RNF14: variants seen among roughly 807,000 people sequenced by gnomAD.
RNF14 encodes E3 ubiquitin-protein ligase RNF14.
In RNF14, 26 loss-of-function variants were observed where a neutral mutation model predicts 52.6. That is an observed-to-expected ratio of 0.49 (90% CI 0.36 to 0.69). The LOEUF is 0.69. RNF14 is among the 30% of genes least tolerant of loss of function. The pLI, the probability that RNF14 is intolerant of heterozygous loss-of-function variation, is 0.00. For synonymous variants in RNF14, 194 were observed against 202.0 expected (o/e 0.96, Z 0.34); for missense variants, 404 against 560.4 (o/e 0.72, Z 2.82).
At chr5:141,987,118 A>G (rs1036524723) in intron 8 of RNF14, among the ~76,000 whole-genome samples, 1 of 152,142 alleles carries the variant, frequency 6.6e-6, no homozygotes, top group Admixed American at 6.5e-5. Flanking sequence ...GCGGTGGAGC[A>G]AGTCTTCCCA....
At chr5:141,951,610 T>A in the RNF14 span, 1 of 1,571,308 alleles carries the variant, frequency 6.4e-7, no homozygotes, top group Middle Eastern at 1.7e-4. Flanking sequence ...AGGAAAAATC[T>A]GTTGACTCCA....
At chr5:141,955,549 T>C (rs1753164596), upstream of RNF14, 2 of 1,614,196 alleles carry the variant, frequency 1.2e-6, no homozygotes, top group South Asian at 1.1e-5. The surrounding 1 kb of genome is among the most constrained non-coding windows in gnomAD (Gnocchi z 5.5). Context: ...CTGAATGTGT[T>C]TCTGGGGCCT....
At chr5:141,960,854 G>C (rs950951645) in intron 1 of RNF14, among the ~76,000 whole-genome samples, 2 of 152,192 alleles carry the variant, frequency 1.3e-5, no homozygotes, top group Non-Finnish European at 2.9e-5. Flanking sequence ...GCCTAGTTGA[G>C]AGTAATGCAG....
chr5:141,984,690 T>C lies in RNF14; in HGVS notation c.1237-113T>C, dbSNP rs571434187. 174 of 909,108 alleles carry C rather than the reference T, an allele frequency of 1.9e-4. 4 individuals are homozygous for C. In the South Asian group the frequency reaches 2.6e-3, roughly 14 times the overall value. 56.3% of individuals were successfully genotyped at this position (909,108 alleles called of 1,614,324 possible). On this transcript the variant is annotated intron_variant, in intron 7 of 8. Coordinates refer to ENST00000394520, the MANE Select transcript of RNF14 (RefSeq NM_004290.5). Reference sequence around the variant, plus strand: ...GTGTGTTACATTGATATCTCAACCCTGCATAAGAAAAGGGAGAGGACCAAG... The same window carrying C: ...GTGTGTTACATTGATATCTCAACCCCGCATAAGAAAAGGGAGAGGACCAAG...
chr5:141,968,244 TA>T (rs920234960), upstream of RNF14, among the ~76,000 whole-genome samples: 1 of 151,986 alleles, frequency 6.6e-6, no homozygotes, highest in Non-Finnish European at 1.5e-5. Context: ...TAGCTGGGAC[TA>T]CAGGTGCCCG....
At chr5:141,954,977 C>T, upstream of RNF14, 1 of 1,610,602 alleles carries the variant, frequency 6.2e-7, no homozygotes, top group South Asian at 1.1e-5. Flanking sequence ...GGTACCTGAA[C>T]AGGAGGAGAA....
chr5:141,982,970 G>T (rs1754913601), intron 6 of RNF14, among the ~76,000 whole-genome samples: 1 of 152,084 alleles, frequency 6.6e-6, no homozygotes, highest in Non-Finnish European at 1.5e-5. Flanking sequence ...GAAAAAAATA[G>T]CCTATCTTAT....
At chr5:141,987,258 C>T (rs1256177408) in intron 8 of RNF14, among the ~76,000 whole-genome samples, 1 of 152,128 alleles carries the variant, frequency 6.6e-6, no homozygotes, top group African/African-American at 2.4e-5. Context: ...CTCTGGGGTT[C>T]CCTTGGCCAG....
chr5:141,953,412 A>G (rs548276443), upstream of RNF14: 5 of 152,366 alleles, frequency 3.3e-5, no homozygotes, highest in South Asian at 1.0e-3. Flanking sequence ...AATTCTTACA[A>G]CAGCCTAAGG....
At position 141,989,691 on chromosome 5, in the gene RNF14, TCA is replaced by T. The variant is rs1491417965; in HGVS notation, c.*1902_*1903del. ...CTGAGCGACAGAGCGAGACTCCTTC[TCA>T]AAAAAAAAAAAAAAAAAAATTGAGG... On this transcript the variant is annotated 3_prime_UTR_variant, in exon 9 of 9. Coordinates refer to ENST00000394520, the MANE Select transcript of RNF14 (RefSeq NM_004290.5). 1 of 29,772 alleles carries T rather than the reference TCA, an allele frequency of 3.4e-5. No homozygotes were observed. Among genetic ancestry groups the T allele is most frequent in the Non-Finnish European group, 5.6e-5 (1 of 17,882 alleles). The allele number at this position is 29,772 out of a possible 1,614,324, so 1.8% of individuals were successfully genotyped here.
chr5:141,968,237 C>T (rs1487218637), upstream of RNF14, among the ~76,000 whole-genome samples: 2 of 151,718 alleles, frequency 1.3e-5, no homozygotes, highest in East Asian at 1.9e-4. Context: ...TCCCTAGTAG[C>T]TGGGACTACA....
chr5:141,978,948 C>G, intron 5 of RNF14, 118 bp downstream of exon 5: 1 of 1,086,754 alleles, frequency 9.2e-7, no homozygotes, highest in Non-Finnish European at 1.3e-6. Flanking sequence ...AGCCAGCCCA[C>G]AAGTTGTTTT....
intron 1 of RNF14, 95 bp downstream of exon 1, chr5:141,969,262 G>T (rs569889730): frequency 1.5e-4 from 23 of 152,860 alleles, no homozygotes; most frequent in Non-Finnish European, 2.6e-4. Context: ...CTCTGGGCGC[G>T]CGAGGCAGAG....
At chr5:141,958,163 T>G (rs1407751396), upstream of RNF14, 3 of 329,870 alleles carry the variant, frequency 9.1e-6, no homozygotes, top group Non-Finnish European at 1.7e-5. Context: ...CTGACCCAGT[T>G]GAGCAGGATG....
At chr5:141,958,666 G>A (rs746235583) in intron 1 of RNF14, 1 of 152,274 alleles carries the variant, frequency 6.6e-6, no homozygotes, top group African/African-American at 2.4e-5. Flanking sequence ...AGCCATCAGA[G>A]GTAAACTGCC....
chr5:141,976,867 C>T (rs1754316165), intron 4 of RNF14, among the ~76,000 whole-genome samples: 2 of 148,554 alleles, frequency 1.3e-5, no homozygotes, highest in South Asian at 4.3e-4. Flanking sequence ...CAGCTCACTA[C>T]AACCTCTGCC....
intron 8 of RNF14, among the ~76,000 whole-genome samples, chr5:141,986,713 T>A (rs1755267541): frequency 1.3e-5 from 2 of 152,282 alleles, no homozygotes; most frequent in Admixed American, 6.5e-5. Flanking sequence ...TTGGGAAGCA[T>A]AGCCTTCAGC....
Position 141,977,119 on chromosome 5 carries a change from G to A in RNF14, c.307-1184G>A, listed in dbSNP as rs373290371. Among the ~76,000 whole-genome samples the A allele has an allele frequency of 3.9e-5, 6 of 152,164 alleles. No individual in the cohort carries two copies. In the East Asian group the frequency reaches 9.6e-4, roughly 24 times the overall value. ...GCTGCCTCTCTTGAGAAGGGACTGG[G>A]GTAGAAAAGAGGTTGGAGAATGGCT... On this transcript the variant is annotated intron_variant, in intron 4 of 8. Transcript: ENST00000394520.
At chr5:141,952,950 G>C in the RNF14 span, 3 of 152,272 alleles carry the variant, frequency 2.0e-5, no homozygotes, top group African/African-American at 4.8e-5. Context: ...TGGAAGAGGA[G>C]ATGGCCAGGA....
Sources: gnomAD v4.1 joint callset for allele counts (sites outside exome capture counted in the v4.1 genomes callset) on GRCh38, gnomAD v4.1.1 for gene constraint, Gnocchi (gnomAD v3.1) non-coding constraint, MANE v1.5 for transcripts, NCBI Gene and HGNC (gene_info 2026-07-23, HGNC 2026-07-21) for gene names.